Variants in COMMD10 observed in about 807,000 individuals in gnomAD.
The protein encoded by COMMD10 is COMM domain-containing protein 10.
A neutral mutation model predicts 28.9 loss-of-function variants in COMMD10; 33 were observed. That is an observed-to-expected ratio of 1.14 (90% confidence interval 0.87 to 1.53). The LOEUF is 1.53. COMMD10 is among the 40% of genes most tolerant of loss of function. The pLI, the probability that COMMD10 is intolerant of heterozygous loss-of-function variation, is 0.00. For synonymous variants in COMMD10, 110 were observed against 81.7 expected, an observed-to-expected ratio of 1.35 and a Z score of -1.87; for missense variants, 310 against 233.4, an observed-to-expected ratio of 1.33 and a Z score of -2.14.
intron 5 of COMMD10, among the ~76,000 whole-genome samples, chr5:116,281,582 G>A (rs559131484): frequency 4.6e-5 from 7 of 151,548 alleles, no homozygotes; most frequent in Non-Finnish European, 8.8e-5. Flanking sequence ...TATTAAGGAA[G>A]TTCTTAGTTG....
chr5:116,279,247 T>C (rs1751001903), intron 5 of COMMD10, among the ~76,000 whole-genome samples: 1 of 151,704 alleles, frequency 6.6e-6, no homozygotes, highest in Non-Finnish European at 1.5e-5. Context: ...TGGGCCAGAG[T>C]TTGGAAGTCT....
intron 5 of COMMD10, among the ~76,000 whole-genome samples, chr5:116,183,760 A>G (rs1360485835): frequency 6.6e-6 from 1 of 152,092 alleles, no homozygotes; most frequent in South Asian, 2.1e-4. Context: ...GGTTACCTGG[A>G]TAGCTGATAA....
chr5:116,247,892 T>C (rs1749994780), intron 5 of COMMD10, among the ~76,000 whole-genome samples: 1 of 151,960 alleles, frequency 6.6e-6, no homozygotes, highest in African/African-American at 2.4e-5. Context: ...GATGAAATAA[T>C]CTGTACAACA....
intron 5 of COMMD10, among the ~76,000 whole-genome samples, chr5:116,193,581 C>T (rs1238814840): frequency 2.6e-5 from 4 of 152,126 alleles, no homozygotes; most frequent in African/African-American, 9.7e-5. Context: ...CAAAGAGGGA[C>T]ATTATGTAAT....
intron 5 of COMMD10, among the ~76,000 whole-genome samples, chr5:116,162,273 G>A (rs1013094007): frequency 6.6e-6 from 1 of 151,872 alleles, no homozygotes; most frequent in Admixed American, 6.6e-5. Context: ...TTTTGGATTG[G>A]CATGGTAATG....
At chr5:116,085,180 C>T in intron 1 of COMMD10, 87 bp downstream of exon 1, 1 of 714,214 alleles carries the variant, frequency 1.4e-6, no homozygotes. Context: ...TGCCTGCCGC[C>T]TGGGCGCCGC....
At chr5:116,256,413 C>G (rs913888546) in intron 5 of COMMD10, among the ~76,000 whole-genome samples, 11 of 151,712 alleles carry the variant, frequency 7.3e-5, no homozygotes, top group African/African-American at 2.7e-4. Context: ...CTATAATAGA[C>G]TGTAACTCCT....
chr5:116,145,692 C>T (rs373251646), intron 5 of COMMD10, among the ~76,000 whole-genome samples: 6 of 151,778 alleles, frequency 4.0e-5, no homozygotes, highest in African/African-American at 1.2e-4. Context: ...AGGGAGAGAC[C>T]AGGTGGAGGT....
chr5:116,267,860 A>G (rs1328208009), intron 5 of COMMD10, among the ~76,000 whole-genome samples: 1 of 151,928 alleles, frequency 6.6e-6, no homozygotes, highest in Non-Finnish European at 1.5e-5. Flanking sequence ...AGGATTCCCT[A>G]TTTAATAAAT....
intron 5 of COMMD10, among the ~76,000 whole-genome samples, chr5:116,169,719 C>G (rs62384184): frequency 0.073 from 11,117 of 152,220 alleles, 475 homozygotes; most frequent in Admixed American, 0.13. Flanking sequence ...ATTGCGTAAA[C>G]AGAACCAATG....
intron 5 of COMMD10, among the ~76,000 whole-genome samples, chr5:116,164,329 T>A (rs919374159): frequency 4.1e-5 from 6 of 145,064 alleles, no homozygotes; most frequent in East Asian, 2.1e-4. Context: ...TCAAAAAAAA[T>A]AAAAATAAAA....
intron 5 of COMMD10, among the ~76,000 whole-genome samples, chr5:116,285,355 G>A (rs1335845942): frequency 6.6e-6 from 1 of 151,854 alleles, no homozygotes; most frequent in Non-Finnish European, 1.5e-5. Flanking sequence ...TGATAATGTG[G>A]GGAGTTGGCC....
intron 5 of COMMD10, among the ~76,000 whole-genome samples, chr5:116,277,792 G>C (rs945923988): frequency 4.0e-5 from 6 of 151,850 alleles, no homozygotes; most frequent in Non-Finnish European, 7.4e-5. Flanking sequence ...ACAAGATAGA[G>C]AAAAATTAAG....
intron 4 of COMMD10, among the ~76,000 whole-genome samples, chr5:116,094,887 G>A (rs915097633): frequency 3.3e-5 from 5 of 152,110 alleles, no homozygotes; most frequent in Non-Finnish European, 7.4e-5. Flanking sequence ...TAGAACTAGA[G>A]GTCTTTATGT....
In COMMD10 at chr5:116,136,333, C is replaced by A. The variant is rs142706214; in HGVS notation, c.510+2155C>A. 2.2e-4 allele frequency among the ~76,000 whole-genome samples: 33 copies of A among 152,300 alleles called. 1 individual carries two copies. In the East Asian group the frequency reaches 6.4e-3, roughly 29 times the overall value. On this transcript the variant is annotated intron_variant, in intron 5 of 6. Coordinates refer to ENST00000274458, the MANE Select transcript of COMMD10 (RefSeq NM_016144.4). ...TGGAACTCACTAGCATAGACTGGAG[C>A]TATTCCATGAGTGAAAATACATACA...
intron 5 of COMMD10, among the ~76,000 whole-genome samples, chr5:116,165,945 G>T (rs1182719308): frequency 6.6e-6 from 1 of 152,120 alleles, no homozygotes; most frequent in Non-Finnish European, 1.5e-5. Flanking sequence ...TGAGAGGGTG[G>T]TTCATCTTAC....
intron 5 of COMMD10, among the ~76,000 whole-genome samples, chr5:116,213,076 T>A (rs536730165): frequency 7.7e-4 from 117 of 152,244 alleles, no homozygotes; most frequent in Admixed American, 2.2e-3. Context: ...TATTTTTTGA[T>A]TGGTTTGTCA....
At chr5:116,244,089 T>A (rs1438530030) in intron 5 of COMMD10, among the ~76,000 whole-genome samples, 1 of 152,182 alleles carries the variant, frequency 6.6e-6, no homozygotes, top group African/African-American at 2.4e-5. Context: ...TCAAGGAATC[T>A]GTGCTTCTCA....
intron 5 of COMMD10, among the ~76,000 whole-genome samples, chr5:116,276,200 A>G (rs764755572): frequency 4.6e-5 from 7 of 151,634 alleles, no homozygotes; most frequent in Non-Finnish European, 1.0e-4. Flanking sequence ...ATAAAAATTA[A>G]TTTCAAATAA....
Sources: allele counts gnomAD v4.1 joint callset (sites outside exome capture counted in the v4.1 genomes callset), GRCh38; gene constraint gnomAD v4.1.1; transcripts MANE v1.5; gene names NCBI Gene and HGNC (gene_info 2026-07-23, HGNC 2026-07-21).